Variants in HS3ST3A1 observed in about 807,000 individuals in gnomAD.
The protein encoded by HS3ST3A1 is heparan sulfate glucosamine 3-O-sulfotransferase 3A1.
Under a neutral mutation model 25.7 loss-of-function variants are expected in HS3ST3A1, and 19 were observed. The observed-to-expected ratio is 0.74, with a 90% CI of 0.52 to 1.08. The LOEUF is 1.08. Among genes scored for constraint, HS3ST3A1 ranks in the 50% least tolerant of loss-of-function variants. The pLI is 0.00. For missense variants in HS3ST3A1, 459 were observed against 594.3 expected (o/e 0.77, Z 2.37); for synonymous variants, 226 against 278.6 (o/e 0.81, Z 1.88).
At chr17:13,554,913 A>G (rs1907332060) in intron 1 of HS3ST3A1, among the ~76,000 whole-genome samples, 1 of 151,992 alleles carries the variant, frequency 6.6e-6, no homozygotes, top group Admixed American at 6.6e-5. Context: ...ACTGCCCCCT[A>G]ACTCTATTCC....
intron 1 of HS3ST3A1, among the ~76,000 whole-genome samples, chr17:13,596,762 T>C: frequency 6.6e-6 from 1 of 152,070 alleles, no homozygotes; most frequent in Non-Finnish European, 1.5e-5. Context: ...GGATTTCATT[T>C]CAAACTCTTC....
intron 1 of HS3ST3A1, among the ~76,000 whole-genome samples, chr17:13,544,246 A>C (rs1222993102): frequency 6.6e-6 from 1 of 152,222 alleles, no homozygotes; most frequent in East Asian, 1.9e-4. Context: ...AACCATTAAA[A>C]ACCCAAACCC....
chr17:13,556,519 A>T (rs1907379525), intron 1 of HS3ST3A1, among the ~76,000 whole-genome samples: 1 of 150,772 alleles, frequency 6.6e-6, no homozygotes, highest in Non-Finnish European at 1.5e-5. Flanking sequence ...AAAAAGAAAT[A>T]AAATAAAAGA....
intron 1 of HS3ST3A1, among the ~76,000 whole-genome samples, chr17:13,556,850 TAAA>T (rs71144974): frequency 3.2e-5 from 4 of 124,896 alleles, no homozygotes; most frequent in Non-Finnish European, 3.5e-5. Flanking sequence ...AAACTCCGCC[TAAA>T]AAAAAAAAAA....
At chr17:13,582,284 G>A (rs1908136426) in intron 1 of HS3ST3A1, among the ~76,000 whole-genome samples, 1 of 152,170 alleles carries the variant, frequency 6.6e-6, no homozygotes, top group South Asian at 2.1e-4. Flanking sequence ...TTAAAACTGA[G>A]CTAGCATATT....
At chr17:13,530,476 G>C (rs1174389820) in intron 1 of HS3ST3A1, among the ~76,000 whole-genome samples, 4 of 152,174 alleles carry the variant, frequency 2.6e-5, no homozygotes, top group Non-Finnish European at 4.4e-5. Context: ...TTAGCCAGAT[G>C]ATAAGGAGGT....
intron 1 of HS3ST3A1, among the ~76,000 whole-genome samples, chr17:13,591,182 G>T (rs1445487681): frequency 6.6e-6 from 1 of 151,744 alleles, no homozygotes; most frequent in Non-Finnish European, 1.5e-5. Context: ...GAGTACCTGG[G>T]ATTACAGGCA....
At chr17:13,510,037 G>A (rs1272446224) in intron 1 of HS3ST3A1, among the ~76,000 whole-genome samples, 2 of 152,218 alleles carry the variant, frequency 1.3e-5, no homozygotes, top group East Asian at 3.9e-4. Context: ...GTTGAGTCCT[G>A]ATTAAAGGGA....
chr17:13,595,545 A>G (rs1384535345), intron 1 of HS3ST3A1, among the ~76,000 whole-genome samples: 4 of 152,206 alleles, frequency 2.6e-5, no homozygotes, highest in Admixed American at 2.6e-4. Context: ...GAGGGAGTAC[A>G]ATTTCCTCTG....
chr17:13,539,903 G>C (rs915971469), intron 1 of HS3ST3A1, among the ~76,000 whole-genome samples: 1 of 152,184 alleles, frequency 6.6e-6, no homozygotes, highest in African/African-American at 2.4e-5. Flanking sequence ...AACCATGTAA[G>C]ATGAGATTCC....
intron 1 of HS3ST3A1, among the ~76,000 whole-genome samples, chr17:13,528,727 C>T (rs1906513148): frequency 6.6e-6 from 1 of 152,098 alleles, no homozygotes; most frequent in Non-Finnish European, 1.5e-5. Flanking sequence ...ATGGATCCAA[C>T]CACTGGGGGA....
intron 1 of HS3ST3A1, among the ~76,000 whole-genome samples, chr17:13,530,005 T>TAC (rs3220827): frequency 0.13 from 19,400 of 148,654 alleles, 1,802 homozygotes; most frequent in African/African-American, 0.27. Flanking sequence ...TTTATGTAAC[T>TAC]ACACACACAC....
intron 1 of HS3ST3A1, among the ~76,000 whole-genome samples, chr17:13,501,705 C>A (rs1397591886): frequency 2.6e-5 from 4 of 152,206 alleles, no homozygotes; most frequent in Admixed American, 6.5e-5. Context: ...AATGAAGTGT[C>A]AACATGGCCA....
At position 13,578,323 on chromosome 17, in the gene HS3ST3A1, G is replaced by A. The variant is rs766829201; in HGVS notation, c.599+22208C>T. Reference sequence around the variant, plus strand: ...AGAGCTTTGTGAGGCCGAGGTGGGCGGATCACCTGAGGTCTGGAGTTCAAG... The same window carrying A: ...AGAGCTTTGTGAGGCCGAGGTGGGCAGATCACCTGAGGTCTGGAGTTCAAG... On this transcript the variant is annotated intron_variant, in intron 1 of 1. Transcript: ENST00000284110. Among the ~76,000 whole-genome samples, 10 of 150,750 alleles carry A rather than the reference G, an allele frequency of 6.6e-5. No homozygotes were observed. In the South Asian group the frequency reaches 8.5e-4, roughly 13 times the overall value.
intron 1 of HS3ST3A1, among the ~76,000 whole-genome samples, chr17:13,501,026 A>G (rs1598406331): frequency 6.6e-6 from 1 of 152,256 alleles, no homozygotes; most frequent in South Asian, 2.1e-4. Context: ...CAAATACTGT[A>G]TGAGTTCACT....
At chr17:13,509,355 C>T (rs1418146206) in intron 1 of HS3ST3A1, among the ~76,000 whole-genome samples, 1 of 151,800 alleles carries the variant, frequency 6.6e-6, no homozygotes, top group Admixed American at 6.6e-5. Flanking sequence ...TTCAACTGAA[C>T]AATAAATAGA....
intron 1 of HS3ST3A1, among the ~76,000 whole-genome samples, chr17:13,545,470 A>G (rs190853245): frequency 6.6e-6 from 1 of 152,156 alleles, no homozygotes; most frequent in East Asian, 1.9e-4. Flanking sequence ...CTTTCTCCCT[A>G]GCTATACCGG....
chr17:13,524,252 C>T (rs973315588), intron 1 of HS3ST3A1, among the ~76,000 whole-genome samples: 12 of 152,058 alleles, frequency 7.9e-5, no homozygotes, highest in African/African-American at 2.9e-4. Flanking sequence ...CTATTTATCA[C>T]ATCAAAATTA....
At chr17:13,505,282 T>C (rs560839953) in intron 1 of HS3ST3A1, among the ~76,000 whole-genome samples, 1 of 152,198 alleles carries the variant, frequency 6.6e-6, no homozygotes, top group Non-Finnish European at 1.5e-5. Context: ...CTGAGAGAGT[T>C]ATCCAGAAAG....
Sources: gnomAD v4.1 joint callset for allele counts (sites outside exome capture counted in the v4.1 genomes callset) on GRCh38, gnomAD v4.1.1 for gene constraint, MANE v1.5 for transcripts, NCBI Gene and HGNC (gene_info 2026-07-23, HGNC 2026-07-21) for gene names.